Variants in CD5L observed in about 807,000 individuals in gnomAD.
CD5L encodes the protein CD5 antigen-like.
CD5L carries 39 observed loss-of-function variants against 40.8 expected under a neutral mutation model. That is an observed-to-expected ratio of 0.96 (90% CI 0.74 to 1.25). The LOEUF (loss-of-function observed/expected upper bound fraction) is 1.25. Among genes scored for constraint, CD5L ranks in the 50% most tolerant of loss-of-function variants. CD5L has a pLI of 0.00. For missense variants in CD5L, 433 were observed against 435.9 expected (o/e 0.99, Z 0.06); for synonymous variants, 192 against 169.6 (o/e 1.13, Z -1.03).
chr1:157,833,825 A>T (rs1216269737), intron 4 of CD5L, among the ~76,000 whole-genome samples: 1 of 138,196 alleles, frequency 7.2e-6, no homozygotes, highest in Non-Finnish European at 1.5e-5. Context: ...TGCTCAGGCT[A>T]GTCTCAAACT....
At chr1:157,839,738 C>T (rs1042375510) in intron 1 of CD5L, among the ~76,000 whole-genome samples, 5 of 152,230 alleles carry the variant, frequency 3.3e-5, no homozygotes, top group Non-Finnish European at 5.9e-5. Context: ...GTGATACAGC[C>T]TCTTGGCTCA....
chr1:157,832,040 A>G, intron 5 of CD5L, 72 bp from the exon 6 acceptor site: 1 of 1,206,300 alleles, frequency 8.3e-7, no homozygotes, highest in Non-Finnish European at 1.2e-6. Context: ...TGAAACTCAC[A>G]TTAGCTAAGG....
chr1:157,835,809 T>C (rs768614017), intron 3 of CD5L, 26 bp downstream of exon 3: 5 of 1,566,932 alleles, frequency 3.2e-6, no homozygotes, highest in Non-Finnish European at 4.3e-6. Flanking sequence ...AGCTGGCAAG[T>C]GGTCCGGGAC....
At chr1:157,837,168 C>A (rs1480146023) in intron 2 of CD5L, among the ~76,000 whole-genome samples, 1 of 151,816 alleles carries the variant, frequency 6.6e-6, no homozygotes, top group Non-Finnish European at 1.5e-5. Context: ...TTGTAGTGAG[C>A]CGAGATCATG....
chr1:157,834,216 A>G (rs1656128309), intron 4 of CD5L, among the ~76,000 whole-genome samples, 191 bp downstream of exon 4: 1 of 152,226 alleles, frequency 6.6e-6, no homozygotes. Context: ...TTAATATTAA[A>G]AGCATTTTCA....
rs1414867000 is a variant in CD5L at position 157,834,594 on chromosome 1, C to T, written c.531G>A (p.Arg177=). The T allele has an allele frequency of 6.2e-7, 1 of 1,614,056 alleles. No individual in the cohort carries two copies. Among genetic ancestry groups the T allele is most frequent in the African/African-American group, 1.3e-5 (1 of 74,908 alleles). ...WSLRAAKVVC[R]QLGCGRAVLT... is the part of the protein sequence containing the mutation. ...GTACAGCCCTCCCACATCCCAGCTGCCGGCACACCACCTTTGCGGCCCGGA... is the reference window on the plus strand; with the variant it reads ...GTACAGCCCTCCCACATCCCAGCTGTCGGCACACCACCTTTGCGGCCCGGA... The change falls in exon 4 of 6, where the codon CGG becomes CGA. Residue 177 remains arginine (R), a synonymous_variant. Coordinates refer to ENST00000368174, the MANE Select transcript of CD5L (RefSeq NM_005894.3).
chr1:157,841,503 A>G (rs1656370365), intron 1 of CD5L, among the ~76,000 whole-genome samples, 171 bp downstream of exon 1: 1 of 152,260 alleles, frequency 6.6e-6, no homozygotes, highest in African/African-American at 2.4e-5. Context: ...ACAAATGTGT[A>G]TGGATTAAGC....
In CD5L at chr1:157,831,111, G is replaced by A. The variant is rs746680416; in HGVS notation, c.*853C>T. On this transcript the variant is annotated 3_prime_UTR_variant, in exon 6 of 6. Coordinates refer to ENST00000368174, the MANE Select transcript of CD5L (RefSeq NM_005894.3). ...AGTGAAAATGATATTTTTCACTTTC[G>A]CTTGGCATAAGACACAACTTTAGCC... 3.7e-4 allele frequency: 368 copies of A among 985,144 alleles called. 1 individual carries two copies. The highest frequency in any genetic ancestry group is 4.2e-4 in the Non-Finnish European group (348 of 829,910). 61.0% of individuals were successfully genotyped at this position (985,144 alleles called of 1,614,324 possible). A position where few individuals can be genotyped will look rare whatever the true frequency, so the allele number is the denominator to read the frequency against.
In CD5L at chr1:157,839,394, A is replaced by T; in HGVS notation, c.45T>A (p.Pro15=). The T allele has an allele frequency of 2.5e-6, 4 of 1,613,590 alleles. No individual in the cohort carries two copies. The South Asian group carries it at 4.4e-5, about 18-fold the overall frequency. The part of the protein sequence containing the change: ...FSLILAICTR[P]GFLASPSGVR... ...CCCCAAAAATCTTACCTAGGAATCC[A>T]GGTCTGGTGCAAATGGCTGGGGAAG... Residue 15 remains proline (P), a synonymous_variant, in exon 2 of 6, where the codon CCT becomes CCA. Transcript: ENST00000368174.
chr1:157,839,493 CT>C, intron 1 of CD5L, 83 bp from the exon 2 acceptor site: 1 of 1,420,952 alleles, frequency 7.0e-7, no homozygotes. Flanking sequence ...CTTCACAGAA[CT>C]GTGTGAGACA....
intron 2 of CD5L, among the ~76,000 whole-genome samples, chr1:157,837,771 ATTTTTTTTT>A (rs55700960): frequency 9.0e-6 from 1 of 111,626 alleles, no homozygotes; most frequent in African/African-American, 3.2e-5. Flanking sequence ...TAATCTAGCT[ATTTTTTTTT>A]TTTTTTTTTT....
chr1:157,837,144 T>G (rs1460937665), intron 2 of CD5L, among the ~76,000 whole-genome samples: 1 of 151,566 alleles, frequency 6.6e-6, no homozygotes, highest in Non-Finnish European at 1.5e-5. Flanking sequence ...TCGCTCAAAC[T>G]CAGGATTTGG....
At position 157,835,844 on chromosome 1, in the gene CD5L, A is replaced by G; in HGVS notation, c.367T>C (p.Ser123Pro). Residue 123 changes from serine (S) to proline (P), a missense_variant, in exon 3 of 6, where the codon TCG becomes CCG. By Grantham distance (74) the Ser-to-Pro change is moderately conservative (BLOSUM62 -1). Coordinates refer to ENST00000368174, the MANE Select transcript of CD5L (RefSeq NM_005894.3). ...CCCCTGCCATACTCACTCTCACACG[A>G]TGCCCCAGCATCTTCATCATGTGAA... ...DCSHDEDAGA[S>P]CENPESSFSP... is the part of the protein sequence containing the mutation. The G allele has an allele frequency of 6.2e-7, 1 of 1,611,500 alleles. No homozygotes were observed. The highest frequency in any genetic ancestry group is 8.5e-7 in the Non-Finnish European group (1 of 1,178,654).
At chr1:157,828,078 G>A (rs1319480827), downstream of CD5L, among the ~76,000 whole-genome samples, 3 of 152,184 alleles carry the variant, frequency 2.0e-5, no homozygotes, top group Admixed American at 6.5e-5. Context: ...AAAGAAATGA[G>A]GAGTAAGTGG....
At chr1:157,838,732 C>T (rs914402413) in intron 2 of CD5L, among the ~76,000 whole-genome samples, 1 of 152,048 alleles carries the variant, frequency 6.6e-6, no homozygotes, top group South Asian at 2.1e-4. Flanking sequence ...GGATTCTCCA[C>T]ACCAATAGCA....
chr1:157,833,591 T>G, intron 4 of CD5L, 79 bp from the exon 5 acceptor site: 1 of 1,194,508 alleles, frequency 8.4e-7, no homozygotes, highest in Non-Finnish European at 1.2e-6. Flanking sequence ...TTTTTAAAAT[T>G]TTTTCATTTT....
chr1:157,841,054 A>G (rs1350314277), intron 1 of CD5L, among the ~76,000 whole-genome samples: 1 of 152,060 alleles, frequency 6.6e-6, no homozygotes, highest in East Asian at 1.9e-4. Flanking sequence ...ACTCCTAAAA[A>G]CCTCTGAGGA....
chr1:157,841,761 G>A lies in CD5L; in HGVS notation c.-60C>T. The stretch of plus-strand genomic sequence containing the variant: ...AAGGCTAGAAGGAGGTCCCCAAGCA[G>A]CAATATTTAGTTTTAGCTGCAAGTA... On this transcript the variant is annotated 5_prime_UTR_variant, in exon 1 of 6. Coordinates refer to ENST00000368174, the MANE Select transcript of CD5L (RefSeq NM_005894.3). 2 of 1,468,914 alleles carry A rather than the reference G, an allele frequency of 1.4e-6. No individual in the cohort carries two copies. The highest frequency in any genetic ancestry group is 2.3e-5 in the South Asian group (2 of 85,382). 91.0% of individuals were successfully genotyped at this position (1,468,914 alleles called of 1,614,324 possible). A position where few individuals can be genotyped will look rare whatever the true frequency, so the allele number is the denominator to read the frequency against.
intron 5 of CD5L, among the ~76,000 whole-genome samples, chr1:157,832,716 C>A (rs140307483): frequency 1.1e-4 from 17 of 152,162 alleles, no homozygotes; most frequent in African/African-American, 4.1e-4. Flanking sequence ...GAGGTAGAAC[C>A]CTCTTTGATA....
Sources: allele counts gnomAD v4.1 joint callset (sites outside exome capture counted in the v4.1 genomes callset), GRCh38; gene constraint gnomAD v4.1.1; transcripts MANE v1.5; gene names NCBI Gene and HGNC (gene_info 2026-07-23, HGNC 2026-07-21).